GPT2: variants seen among roughly 807,000 people sequenced by gnomAD.
GPT2 encodes alanine aminotransferase 2.
In GPT2, 30 loss-of-function variants were observed where a neutral mutation model predicts 56.9. That is an observed-to-expected ratio of 0.53 (90% CI 0.39 to 0.72). The LOEUF (loss-of-function observed/expected upper bound fraction) is 0.72, where lower values mean the gene tolerates loss of function less well. GPT2 is among the 30% of genes least tolerant of loss of function. The pLI is 0.00. For missense variants in GPT2, 542 were observed against 703.4 expected (o/e 0.77, Z 2.60); for synonymous variants, 271 against 283.1 (o/e 0.96, Z 0.43).
Position 46,924,440 on chromosome 16 carries a change from G to T in GPT2, c.1264G>T (p.Asp422Tyr), listed in dbSNP as rs140757319. The T allele has an allele frequency of 1.5e-4, 247 of 1,614,120 alleles. No individual in the cohort carries two copies. The highest frequency in any genetic ancestry group is 6.6e-4 in the Middle Eastern group (4 of 6,084). Residue 422 changes from aspartate (D) to tyrosine (Y), a missense_variant, in exon 10 of 12, where the codon GAC (aspartate) becomes TAC (tyrosine). Asp to Tyr is a radical substitution (Grantham distance 160). Coordinates refer to ENST00000340124, the MANE Select transcript of GPT2 (RefSeq NM_133443.4). Reference sequence around the variant, plus strand: ...GGCCAAAAAAGCAAAGCTGACGGAAGACCTGTTTAACCAAGTCCCAGGAAT... The same window carrying T: ...GGCCAAAAAAGCAAAGCTGACGGAATACCTGTTTAACCAAGTCCCAGGAAT... ...NLAKKAKLTEDLFNQVPGIHC... is the reference protein window; with the variant it reads ...NLAKKAKLTEYLFNQVPGIHC...
At chr16:46,914,942 G>A (rs1961112829) in intron 6 of GPT2, among the ~76,000 whole-genome samples, 1 of 152,102 alleles carries the variant, frequency 6.6e-6, no homozygotes, top group Non-Finnish European at 1.5e-5. Context: ...TTTTGAGACA[G>A]GGTCTTGCTC....
At chr16:46,907,726 A>C (rs540750000) in intron 5 of GPT2, among the ~76,000 whole-genome samples, 1 of 152,354 alleles carries the variant, frequency 6.6e-6, no homozygotes, top group East Asian at 1.9e-4. Flanking sequence ...TCATTGTGCT[A>C]AGAACAACAG....
At chr16:46,927,598 C>G (rs542750407) in intron 11 of GPT2, among the ~76,000 whole-genome samples, 1 of 152,234 alleles carries the variant, frequency 6.6e-6, no homozygotes, top group Non-Finnish European at 1.5e-5. Context: ...GGCCAGTTCT[C>G]TTCAGAACAA....
rs1254942431 is a variant in GPT2, at chr16:46,884,826, GCGGCCCGAGCGCAGC to G, written c.116_130del (p.Pro39_Arg43del). 20 of 1,538,646 alleles carry G rather than the reference GCGGCCCGAGCGCAGC, an allele frequency of 1.3e-5. No individual in the cohort carries two copies. Among genetic ancestry groups the G allele is most frequent in the Non-Finnish European group, 1.8e-5 (20 of 1,142,764 alleles). ...CCGAGGCCTCGGCGGTGCTCAAGGTGCGGCCCGAGCGCAGCCGGCGCGAGCGCATCCTCACGCTGG... is the reference window on the plus strand; with the variant it reads ...CCGAGGCCTCGGCGGTGCTCAAGGTGCGGCGCGAGCGCATCCTCACGCTGG... On this transcript the variant is annotated inframe_deletion, in exon 2 of 12. Coordinates refer to ENST00000340124, the MANE Select transcript of GPT2 (RefSeq NM_133443.4).
At chr16:46,927,769 CT>C (rs775072766) in intron 11 of GPT2, among the ~76,000 whole-genome samples, 32 of 151,978 alleles carry the variant, frequency 2.1e-4, no homozygotes, top group Non-Finnish European at 4.6e-4. Context: ...CTTCCCACCC[CT>C]GGTCAGGCTC....
intron 8 of GPT2, among the ~76,000 whole-genome samples, 180 bp downstream of exon 8, chr16:46,918,937 G>T (rs931800092): frequency 6.6e-6 from 1 of 152,236 alleles, no homozygotes; most frequent in Non-Finnish European, 1.5e-5. Flanking sequence ...TGGTACAGGG[G>T]CTCAAATAAG....
chr16:46,914,645 C>T (rs1961107323), intron 6 of GPT2, among the ~76,000 whole-genome samples: 1 of 152,182 alleles, frequency 6.6e-6, no homozygotes, highest in Non-Finnish European at 1.5e-5. Context: ...CAGGAGACAC[C>T]AAAGCTGGTG....
intron 2 of GPT2, among the ~76,000 whole-genome samples, chr16:46,886,101 A>T (rs551266860): frequency 1.1e-4 from 17 of 152,240 alleles, no homozygotes; most frequent in Middle Eastern, 3.4e-3. Flanking sequence ...CAAAACAGTG[A>T]GCTGGACAAG....
intron 2 of GPT2, among the ~76,000 whole-genome samples, chr16:46,894,355 A>G (rs1333848037): frequency 2.0e-5 from 3 of 152,222 alleles, no homozygotes; most frequent in African/African-American, 7.2e-5. Flanking sequence ...AATGGGCTGT[A>G]TCCACATCCC....
At chr16:46,912,881 G>A (rs1010491919) in intron 6 of GPT2, among the ~76,000 whole-genome samples, 4 of 152,194 alleles carry the variant, frequency 2.6e-5, no homozygotes, top group East Asian at 1.9e-4. Context: ...TCCAAACTAC[G>A]TGAACAGTCG....
chr16:46,887,341 G>A (rs146205633), intron 2 of GPT2, among the ~76,000 whole-genome samples: 2 of 152,128 alleles, frequency 1.3e-5, no homozygotes, highest in Admixed American at 1.3e-4. Context: ...GGTGGTACAC[G>A]CTTGTAACTC....
Position 46,929,073 on chromosome 16 carries a change from C to T in GPT2, c.*76C>T, listed in dbSNP as rs1486777790. 49 of 1,167,864 alleles carry T rather than the reference C, an allele frequency of 4.2e-5. No homozygotes were observed. Among genetic ancestry groups the T allele is most frequent in the Non-Finnish European group, 5.5e-5 (43 of 778,656 alleles). The allele number at this position is 1,167,864 out of a possible 1,614,324, so 72.3% of individuals were successfully genotyped here. On this transcript the variant is annotated 3_prime_UTR_variant, in exon 12 of 12. Coordinates refer to ENST00000340124, the MANE Select transcript of GPT2 (RefSeq NM_133443.4). The stretch of plus-strand genomic sequence containing the variant: ...CCCGTCAGGCTGAACTCGCCTCCCC[C>T]GTGACTCTGCCTCGGGCCTCGCAGA...
At chr16:46,889,504 C>T (rs1170881105) in intron 2 of GPT2, among the ~76,000 whole-genome samples, 2 of 152,066 alleles carry the variant, frequency 1.3e-5, no homozygotes, top group Non-Finnish European at 2.9e-5. Context: ...ATCCTCCCAC[C>T]TCAGCCTCCC....
chr16:46,898,610 T>C (rs1206900443), intron 3 of GPT2, among the ~76,000 whole-genome samples: 4 of 152,070 alleles, frequency 2.6e-5, no homozygotes, highest in African/African-American at 9.7e-5. Flanking sequence ...AGTACAGTGG[T>C]ATGCTCTCGG....
At chr16:46,910,545 A>C (rs1408448354) in intron 6 of GPT2, among the ~76,000 whole-genome samples, 1 of 151,908 alleles carries the variant, frequency 6.6e-6, no homozygotes, top group Non-Finnish European at 1.5e-5. Flanking sequence ...ATAGAATGAG[A>C]CCTTGTCTAA....
chr16:46,909,524 C>T (rs8044153), intron 5 of GPT2, among the ~76,000 whole-genome samples, 160 bp from the exon 6 acceptor site: 3,046 of 152,186 alleles, frequency 0.02, 47 homozygotes, highest in Admixed American at 0.03. Flanking sequence ...GCTTACTCCT[C>T]GCAGCTGCCC....
intron 2 of GPT2, among the ~76,000 whole-genome samples, chr16:46,885,866 CTAA>C (rs368492085): frequency 2.0e-5 from 3 of 152,052 alleles, no homozygotes; most frequent in Non-Finnish European, 2.9e-5. Context: ...TTGTAAGAAG[CTAA>C]TAATCACCTA....
At chr16:46,887,891 G>C (rs1960516177) in intron 2 of GPT2, among the ~76,000 whole-genome samples, 1 of 152,180 alleles carries the variant, frequency 6.6e-6, no homozygotes, top group African/African-American at 2.4e-5. Flanking sequence ...CCATTCTCCT[G>C]CAGCCCCAGC....
chr16:46,924,924 C>CT lies in GPT2; in HGVS notation c.1368+391dup, dbSNP rs369607178. Among the ~76,000 whole-genome samples the CT allele has an allele frequency of 9.9e-3, 1,455 of 146,572 alleles. 16 individuals are homozygous for CT. The highest frequency in any genetic ancestry group is 0.031 in the African/African-American group (1,250 of 40,260). On this transcript the variant is annotated intron_variant, in intron 10 of 11. Coordinates refer to ENST00000340124, the MANE Select transcript of GPT2 (RefSeq NM_133443.4). Reference sequence around the variant, plus strand: ...AGTGTGTGCACCGATCACCTAGGGCCTTTTTTTTTTTCCTTTTTGTGGAGA... The same window carrying CT: ...AGTGTGTGCACCGATCACCTAGGGCCTTTTTTTTTTTTCCTTTTTGTGGAGA...
Sources: gnomAD v4.1 joint callset for allele counts (sites outside exome capture counted in the v4.1 genomes callset) on GRCh38, gnomAD v4.1.1 for gene constraint, MANE v1.5 for transcripts, NCBI Gene and HGNC (gene_info 2026-07-23, HGNC 2026-07-21) for gene names.